Variants in HMGA2 observed in about 807,000 individuals in gnomAD.
HMGA2 encodes high mobility group AT-hook 2.
Under a neutral mutation model 19.1 loss-of-function variants are expected in HMGA2, and 8 were observed. That is an observed-to-expected ratio of 0.42 (90% confidence interval 0.25 to 0.76). The LOEUF (loss-of-function observed/expected upper bound fraction) is 0.76, where lower values mean the gene tolerates loss of function less well. Among genes scored for constraint, HMGA2 ranks in the 30% least tolerant of loss-of-function variants. The pLI is 0.28. For missense variants in HMGA2, 109 were observed against 136.3 expected (o/e 0.80, Z 1.00); for synonymous variants, 60 against 48.8 (o/e 1.23, Z -0.96).
intron 3 of HMGA2, among the ~76,000 whole-genome samples, chr12:65,921,527 G>A (rs572142688): frequency 1.6e-4 from 24 of 152,186 alleles, no homozygotes; most frequent in Non-Finnish European, 2.6e-4. Context: ...GATTACAGGC[G>A]TGAGCCACTG....
chr12:65,936,733 T>C (rs988643230), intron 3 of HMGA2, among the ~76,000 whole-genome samples: 14 of 152,304 alleles, frequency 9.2e-5, no homozygotes, highest in South Asian at 4.1e-4. Flanking sequence ...TGCTATGTAC[T>C]TTAGTGTCAT....
At chr12:65,883,233 T>C (rs183027548) in intron 3 of HMGA2, among the ~76,000 whole-genome samples, 3 of 152,340 alleles carry the variant, frequency 2.0e-5, no homozygotes, top group East Asian at 3.9e-4. Context: ...GTTAATGCTA[T>C]GTGATCTTGC....
At chr12:65,867,183 C>G (rs1423139279) in intron 3 of HMGA2, among the ~76,000 whole-genome samples, 1 of 152,124 alleles carries the variant, frequency 6.6e-6, no homozygotes, top group Admixed American at 6.5e-5. Context: ...TAACTGGTAT[C>G]CCTGAATGTG....
chr12:65,930,752 G>A (rs1288305670), intron 3 of HMGA2, among the ~76,000 whole-genome samples: 1 of 152,106 alleles, frequency 6.6e-6, no homozygotes. Context: ...ATTACGAGCT[G>A]ACTTTGGAAA....
At chr12:65,887,412 C>T (rs1246485363) in intron 3 of HMGA2, among the ~76,000 whole-genome samples, 1 of 152,010 alleles carries the variant, frequency 6.6e-6, no homozygotes, top group East Asian at 1.9e-4. Flanking sequence ...CATGGCAAAA[C>T]CCCGTCTCTA....
At chr12:65,829,061 G>A (rs929265943) in intron 2 of HMGA2, 6 of 152,174 alleles carry the variant, frequency 3.9e-5, no homozygotes, top group Middle Eastern at 3.4e-3. Flanking sequence ...CCTTTTCACC[G>A]GTTTTGGGTA....
chr12:65,863,309 C>G (rs961785589), intron 3 of HMGA2, among the ~76,000 whole-genome samples: 1 of 152,192 alleles, frequency 6.6e-6, no homozygotes, highest in Non-Finnish European at 1.5e-5. Context: ...AGTCCTGGCT[C>G]CAGAAGTTGG....
intron 3 of HMGA2, among the ~76,000 whole-genome samples, chr12:65,860,250 A>G (rs1026094657): frequency 6.6e-6 from 1 of 152,238 alleles, no homozygotes; most frequent in African/African-American, 2.4e-5. Context: ...GAACACTTAC[A>G]TTGGCCTACA....
chr12:65,845,163 T>A (rs1278531490), intron 3 of HMGA2, among the ~76,000 whole-genome samples: 1 of 152,228 alleles, frequency 6.6e-6, no homozygotes, highest in East Asian at 1.9e-4. Context: ...TATGCCACGT[T>A]TTTTTAACTA....
chr12:65,871,867 T>C (rs1872726642), intron 3 of HMGA2, among the ~76,000 whole-genome samples: 1 of 152,202 alleles, frequency 6.6e-6, no homozygotes. Context: ...TTACCAACAA[T>C]ATATTTAATT....
rs1302947401 is a variant in HMGA2 at position 65,963,264 on chromosome 12, C to T, written c.302C>T (p.Ser101Phe). 3.1e-6 allele frequency: 5 copies of T among 1,613,698 alleles called. No individual in the cohort carries two copies. Among genetic ancestry groups the T allele is most frequent in the Non-Finnish European group, 4.2e-6 (5 of 1,179,824 alleles). ...TTCCAGGAGGAAACTGAAGAGACAT[C>T]CTCACAAGAGTCTGCCGAAGAGGAC... ...KPAQEETEET[S>F]SQESAEED Residue 101 changes from serine to phenylalanine, a missense_variant, in exon 5 of 5, where the codon TCC (serine) becomes TTC (phenylalanine). Ser to Phe is a radical substitution (Grantham distance 155). Coordinates refer to ENST00000403681, the MANE Select transcript of HMGA2 (RefSeq NM_003483.6).
rs568474503 is a variant in HMGA2, at chr12:65,964,871, A to T, written c.*1579A>T. 201 of 193,212 alleles carry T rather than the reference A, an allele frequency of 1.0e-3. No homozygotes were observed. Among genetic ancestry groups the T allele is most frequent in the Admixed American group, 1.9e-3 (31 of 16,364 alleles). 12.0% of individuals were successfully genotyped at this position (193,212 alleles called of 1,614,324 possible). ...CCTCAATCACACTACACATCACACA[A>T]GATTTGACTGTAATATTTAAATATT... On this transcript the variant is annotated 3_prime_UTR_variant, in exon 5 of 5. Transcript: ENST00000403681.
At chr12:65,915,946 G>C (rs554315507) in intron 3 of HMGA2, among the ~76,000 whole-genome samples, 201 of 152,216 alleles carry the variant, frequency 1.3e-3, no homozygotes, top group African/African-American at 4.6e-3. Flanking sequence ...ACCTAACCCA[G>C]GGTACTGGAG....
chr12:65,965,352 T>C lies in HMGA2; in HGVS notation c.*2060T>C, dbSNP rs1055823024. The C allele has an allele frequency of 2.9e-5, 6 of 206,010 alleles. No homozygotes were observed. The highest frequency in any genetic ancestry group is 6.8e-5 in the African/African-American group (3 of 43,838). The allele number at this position is 206,010 out of a possible 1,614,324, so 12.8% of individuals were successfully genotyped here. A position where few individuals can be genotyped will look rare whatever the true frequency, so the allele number is the denominator to read the frequency against. ...GCTTCTTATGTAGAGTTTTTATGCC[T>C]TTCTCTCCTAGTGAGTGTGCTGACT... is the stretch of plus-strand genomic sequence containing the variant. On this transcript the variant is annotated 3_prime_UTR_variant, in exon 5 of 5. Coordinates refer to ENST00000403681, the MANE Select transcript of HMGA2 (RefSeq NM_003483.6).
intron 3 of HMGA2, among the ~76,000 whole-genome samples, chr12:65,929,197 C>G (rs2121261765): frequency 6.6e-6 from 1 of 152,238 alleles, no homozygotes. Flanking sequence ...CAAAGTTTGT[C>G]AAACCATTTC....
intron 3 of HMGA2, among the ~76,000 whole-genome samples, chr12:65,896,275 C>G (rs1247204754): frequency 6.6e-6 from 1 of 152,212 alleles, no homozygotes; most frequent in Non-Finnish European, 1.5e-5. Context: ...AGGGCTTGTG[C>G]TCCCAGGAAT....
chr12:65,920,542 G>A (rs943642985), intron 3 of HMGA2, among the ~76,000 whole-genome samples: 11 of 152,238 alleles, frequency 7.2e-5, no homozygotes, highest in African/African-American at 2.6e-4. Flanking sequence ...ATGTGTTAGG[G>A]GAGGGACTCA....
rs186549191 is a variant in HMGA2 at position 65,937,908 on chromosome 12, C to T, written c.250-13475C>T. On this transcript the variant is annotated intron_variant, in intron 3 of 4. Coordinates refer to ENST00000403681, the MANE Select transcript of HMGA2 (RefSeq NM_003483.6). ...CCAGCACAGAGAATAGTAAAATGTGCAAAGCCAAACCAGTTGCTACTCTCT... is the reference window on the plus strand; with the variant it reads ...CCAGCACAGAGAATAGTAAAATGTGTAAAGCCAAACCAGTTGCTACTCTCT... 1.3e-4 allele frequency among the ~76,000 whole-genome samples: 20 copies of T among 152,298 alleles called. No individual in the cohort carries two copies. The East Asian group carries it at 2.7e-3, about 21-fold the overall frequency.
rs564886202 is a variant in HMGA2 at position 65,915,417 on chromosome 12, T to A, written c.250-35966T>A. The A allele has an allele frequency of 3.1e-4, 382 of 1,231,854 alleles. 2 individuals are homozygous for A. In the African/African-American group the frequency reaches 6.7e-3, roughly 22 times the overall value. The allele number at this position is 1,231,854 out of a possible 1,614,324, so 76.3% of individuals were successfully genotyped here. On this transcript the variant is annotated intron_variant, in intron 3 of 4. Transcript: ENST00000403681. Reference sequence around the variant, plus strand: ...ATGCCTGCGGGGACAGCTTAGAGAGTAGAGGGTGGGCTGAACTCCAGTTAC... The same window carrying A: ...ATGCCTGCGGGGACAGCTTAGAGAGAAGAGGGTGGGCTGAACTCCAGTTAC...
Sources: gnomAD v4.1 joint callset for allele counts (sites outside exome capture counted in the v4.1 genomes callset) on GRCh38, gnomAD v4.1.1 for gene constraint, MANE v1.5 for transcripts, NCBI Gene and HGNC (gene_info 2026-07-23, HGNC 2026-07-21) for gene names.